Variants in C12orf42 observed in about 807,000 individuals in gnomAD.
The protein encoded by C12orf42 is uncharacterized protein C12orf42.
C12orf42 carries 25 observed loss-of-function variants against 21.6 expected under a neutral mutation model. The observed-to-expected ratio is 1.16, with a 90% CI of 0.84 to 1.62. C12orf42 has a LOEUF of 1.62. C12orf42 is among the 40% of genes most tolerant of loss of function. C12orf42 has a pLI of 0.00. For synonymous variants in C12orf42, 174 were observed against 175.0 expected (o/e 0.99, Z 0.05); for missense variants, 483 against 459.3 (o/e 1.05, Z -0.47).
chr12:103,280,559 T>C (rs980213784), intron 4 of C12orf42, among the ~76,000 whole-genome samples: 2 of 151,912 alleles, frequency 1.3e-5, no homozygotes, highest in African/African-American at 2.4e-5. Flanking sequence ...GCAGAGGCTG[T>C]AGAGAGCTGA....
chr12:103,136,959 G>A, the C12orf42 span, among the ~76,000 whole-genome samples: 1 of 152,066 alleles, frequency 6.6e-6, no homozygotes, highest in Non-Finnish European at 1.5e-5. Flanking sequence ...AAACACCCCA[G>A]GACACTGGTC....
At chr12:103,381,972 G>A (rs2046221864) in intron 3 of C12orf42, among the ~76,000 whole-genome samples, 1 of 152,002 alleles carries the variant, frequency 6.6e-6, no homozygotes, top group Non-Finnish European at 1.5e-5. Context: ...CATCTGTACA[G>A]TGAAGATAAT....
the C12orf42 span, chr12:103,558,010 T>C: frequency 6.6e-6 from 1 of 152,170 alleles, no homozygotes; most frequent in Non-Finnish European, 1.5e-5. Context: ...GCTATAGAAT[T>C]CCTCTATTTT....
At chr12:103,475,303 T>C (rs559663353) in intron 2 of C12orf42, among the ~76,000 whole-genome samples, 1 of 152,222 alleles carries the variant, frequency 6.6e-6, no homozygotes, top group African/African-American at 2.4e-5. Flanking sequence ...ACCCTTCCTA[T>C]TAATCTGTCA....
the C12orf42 span, among the ~76,000 whole-genome samples, chr12:103,061,654 G>C: frequency 7.3e-5 from 11 of 151,294 alleles, no homozygotes; most frequent in Non-Finnish European, 1.6e-4. Context: ...TAATTTTTTT[G>C]TTATAAAGTA....
At chr12:103,528,675 C>T in the C12orf42 span, among the ~76,000 whole-genome samples, 1 of 152,202 alleles carries the variant, frequency 6.6e-6, no homozygotes, top group Admixed American at 6.5e-5. Flanking sequence ...ACCTGAGGCC[C>T]TCACCAGATG....
intron 3 of C12orf42, among the ~76,000 whole-genome samples, chr12:103,379,133 C>T (rs568259088): frequency 1.6e-4 from 25 of 152,240 alleles, no homozygotes; most frequent in African/African-American, 3.9e-4. Flanking sequence ...TATGTGATCA[C>T]GGTTCTAGAA....
chr12:103,531,891 T>C, the C12orf42 span, among the ~76,000 whole-genome samples: 1 of 152,224 alleles, frequency 6.6e-6, no homozygotes, highest in Non-Finnish European at 1.5e-5. Flanking sequence ...TATGAAGCAT[T>C]GTGGGATTAC....
At chr12:103,326,527 A>T (rs2136972958) in intron 4 of C12orf42, among the ~76,000 whole-genome samples, 1 of 152,276 alleles carries the variant, frequency 6.6e-6, no homozygotes, top group Non-Finnish European at 1.5e-5. Flanking sequence ...CTACCGCTCT[A>T]CTTACATACC....
chr12:103,048,673 G>A, the C12orf42 span, among the ~76,000 whole-genome samples: 54 of 152,074 alleles, frequency 3.6e-4, no homozygotes, highest in Non-Finnish European at 2.6e-4. Context: ...TGTGTGCTCC[G>A]GAGAAGAGCT....
intron 3 of C12orf42, among the ~76,000 whole-genome samples, chr12:103,375,786 C>T (rs918485536): frequency 1.3e-5 from 2 of 152,170 alleles, no homozygotes; most frequent in Non-Finnish European, 2.9e-5. Context: ...AATTATGTAG[C>T]TTGCCCTGAC....
At chr12:103,412,308 T>A (rs2048914909) in intron 2 of C12orf42, among the ~76,000 whole-genome samples, 1 of 152,198 alleles carries the variant, frequency 6.6e-6, no homozygotes, top group Non-Finnish European at 1.5e-5. Context: ...TAAACAGTAA[T>A]AACCAAATAA....
intron 10 of C12orf42, among the ~76,000 whole-genome samples, chr12:103,262,064 G>T (rs527808011): frequency 6.6e-6 from 1 of 152,270 alleles, no homozygotes; most frequent in Admixed American, 6.5e-5. Context: ...AAGTTCACAA[G>T]AATATGTCAC....
intron 1 of C12orf42, among the ~76,000 whole-genome samples, chr12:103,482,544 A>G (rs1954544815): frequency 6.6e-6 from 1 of 152,028 alleles, no homozygotes; most frequent in Non-Finnish European, 1.5e-5. Context: ...GTGTATATGA[A>G]TGTGGATTTT....
At chr12:103,313,028 T>C (rs961424010) in intron 4 of C12orf42, among the ~76,000 whole-genome samples, 1 of 152,214 alleles carries the variant, frequency 6.6e-6, no homozygotes, top group Admixed American at 6.5e-5. Flanking sequence ...TTCTTTGTGT[T>C]CATTTTTCCA....
At chr12:103,059,951 G>A in the C12orf42 span, among the ~76,000 whole-genome samples, 7 of 152,090 alleles carry the variant, frequency 4.6e-5, no homozygotes, top group Non-Finnish European at 7.4e-5. Flanking sequence ...CACCACTCCT[G>A]TTCAACATAG....
the C12orf42 span, among the ~76,000 whole-genome samples, chr12:103,140,246 T>G: frequency 1.3e-5 from 2 of 152,230 alleles, no homozygotes; most frequent in African/African-American, 4.8e-5. Context: ...CACTGGCTTC[T>G]GTTTTTGAGT....
the C12orf42 span, among the ~76,000 whole-genome samples, chr12:103,107,249 A>G: frequency 6.6e-6 from 1 of 151,968 alleles, no homozygotes; most frequent in East Asian, 1.9e-4. Flanking sequence ...AAAATTTTGC[A>G]AAACAAAATA....
Position 103,295,414 on chromosome 12 carries a change from G to GTT in C12orf42, n.338-18206_338-18205dup, listed in dbSNP as rs11431067. Among the ~76,000 whole-genome samples, 810 of 147,506 alleles carry GTT rather than the reference G, an allele frequency of 5.5e-3. 7 individuals carry two copies. Among genetic ancestry groups the GTT allele is most frequent in the African/African-American group, 0.017 (705 of 40,642 alleles). On this transcript the variant is annotated intron_variant and non_coding_transcript_variant, in intron 4 of 6. Transcript: ENST00000546526. The stretch of plus-strand genomic sequence containing the variant: ...TGTAAATTCATCAACTGCATACATT[G>GTT]TTTTTTTTTTTAACATATAACTTGC...
Sources: gnomAD v4.1 joint callset for allele counts (sites outside exome capture counted in the v4.1 genomes callset) on GRCh38, gnomAD v4.1.1 for gene constraint, MANE v1.5 for transcripts, NCBI Gene and HGNC (gene_info 2026-07-23, HGNC 2026-07-21) for gene names.